MEGF11: variants seen among roughly 807,000 people sequenced by gnomAD.
MEGF11 encodes the protein multiple epidermal growth factor-like domains protein 11.
In MEGF11, 126 loss-of-function variants were observed where a neutral mutation model predicts 146.6. The observed-to-expected ratio is 0.86, with a 90% CI of 0.74 to 1.00. The LOEUF (loss-of-function observed/expected upper bound fraction) is 1.00, where lower values mean the gene tolerates loss of function less well. MEGF11 is among the 50% of genes least tolerant of loss of function. MEGF11 has a pLI of 0.00. For synonymous variants in MEGF11, 532 were observed against 583.4 expected (o/e 0.91, Z 1.27); for missense variants, 1,509 against 1,521.2 (o/e 0.99, Z 0.13).
chr15:66,231,877 C>G (rs2091974057), intron 1 of MEGF11, among the ~76,000 whole-genome samples: 1 of 152,260 alleles, frequency 6.6e-6, no homozygotes, highest in African/African-American at 2.4e-5. Context: ...CAAATAACAA[C>G]TAACCCTCAC....
At chr15:66,235,827 G>A (rs2092077870) in intron 1 of MEGF11, among the ~76,000 whole-genome samples, 1 of 152,164 alleles carries the variant, frequency 6.6e-6, no homozygotes, top group African/African-American at 2.4e-5. Context: ...GAGAGCCACA[G>A]GCAAGCATCA....
At chr15:66,244,923 G>A (rs1382203530) in intron 1 of MEGF11, among the ~76,000 whole-genome samples, 1 of 152,084 alleles carries the variant, frequency 6.6e-6, no homozygotes, top group African/African-American at 2.4e-5. Context: ...GGGTCCCAGG[G>A]GTCTTATATC....
chr15:65,930,388 A>G (rs1212767565), intron 11 of MEGF11, among the ~76,000 whole-genome samples: 1 of 152,024 alleles, frequency 6.6e-6, no homozygotes, highest in Admixed American at 6.5e-5. Context: ...GGAGAGCGGG[A>G]GCAGGAGAGA....
intron 7 of MEGF11, among the ~76,000 whole-genome samples, chr15:65,975,131 A>G (rs409309): frequency 0.82 from 124,565 of 152,082 alleles, 52,024 homozygotes; most frequent in Non-Finnish European, 0.91. Flanking sequence ...ACAGGCATGA[A>G]CCACTATGCC....
chr15:65,941,447 C>CA (rs201714757), intron 10 of MEGF11, among the ~76,000 whole-genome samples: 7,372 of 142,186 alleles, frequency 0.052, 183 homozygotes, highest in Admixed American at 0.069. Flanking sequence ...GACTCCATCT[C>CA]AAAAAAAAAA....
At chr15:66,106,387 C>T (rs949914004) in intron 4 of MEGF11, among the ~76,000 whole-genome samples, 4 of 152,132 alleles carry the variant, frequency 2.6e-5, no homozygotes, top group African/African-American at 9.7e-5. Flanking sequence ...GCATTTTACA[C>T]ACAGCAAAAC....
intron 1 of MEGF11, among the ~76,000 whole-genome samples, chr15:66,214,346 T>C (rs2091535119): frequency 1.3e-5 from 2 of 152,202 alleles, no homozygotes; most frequent in African/African-American, 4.8e-5. Flanking sequence ...AGGCCACTTC[T>C]GAGGACAAAA....
At chr15:66,161,833 C>A (rs567844606) in intron 1 of MEGF11, among the ~76,000 whole-genome samples, 1 of 152,158 alleles carries the variant, frequency 6.6e-6, no homozygotes, top group African/African-American at 2.4e-5. Flanking sequence ...AGTGCCCTCA[C>A]GGAGCAGCAA....
chr15:66,048,094 T>C lies in MEGF11; in HGVS notation c.394+46308A>G, dbSNP rs190966564. On this transcript the variant is annotated intron_variant, in intron 5 of 25. Coordinates refer to ENST00000395614, the MANE Select transcript of MEGF11 (RefSeq NM_001385028.1). The stretch of plus-strand genomic sequence containing the variant: ...CCTAGAAGCTGGGACTACAGGCATG[T>C]ACCACCACGCCCAGCTAATTTTTGT... Among the ~76,000 whole-genome samples the C allele has an allele frequency of 8.2e-4, 125 of 152,216 alleles. 1 individual carries two copies. Among genetic ancestry groups the C allele is most frequent in the Middle Eastern group, 3.4e-3 (1 of 294 alleles).
At chr15:65,927,392 C>T (rs890025947) in intron 13 of MEGF11, among the ~76,000 whole-genome samples, 5 of 152,158 alleles carry the variant, frequency 3.3e-5, no homozygotes, top group Non-Finnish European at 2.9e-5. Flanking sequence ...CAGTGTGTGG[C>T]AGGCAGTGGA....
chr15:66,030,802 C>T (rs1329799053), intron 5 of MEGF11, among the ~76,000 whole-genome samples: 2 of 152,200 alleles, frequency 1.3e-5, no homozygotes, highest in East Asian at 3.9e-4. Flanking sequence ...GAGGCCACGT[C>T]CCCCGTGCCA....
chr15:66,119,762 C>T (rs2087928951), intron 3 of MEGF11, among the ~76,000 whole-genome samples: 1 of 152,126 alleles, frequency 6.6e-6, no homozygotes, highest in Non-Finnish European at 1.5e-5. Flanking sequence ...GCATGCCATC[C>T]CTGGGAAGGC....
Position 66,031,875 on chromosome 15 carries a change from G to A in MEGF11, c.395-49387C>T, listed in dbSNP as rs185766045. Among the ~76,000 whole-genome samples the A allele has an allele frequency of 3.9e-5, 6 of 152,352 alleles. No individual in the cohort carries two copies. The South Asian group carries it at 8.3e-4, about 21-fold the overall frequency. Reference sequence around the variant, plus strand: ...GGTTCATTATCTTGGGAGTGGCTTCGTTATGAAAGTACTGGTCTGTAGCCT... The same window carrying A: ...GGTTCATTATCTTGGGAGTGGCTTCATTATGAAAGTACTGGTCTGTAGCCT... On this transcript the variant is annotated intron_variant, in intron 5 of 25. Transcript: ENST00000395614.
chr15:66,108,984 C>A (rs139557366), intron 4 of MEGF11, among the ~76,000 whole-genome samples: 2 of 152,290 alleles, frequency 1.3e-5, no homozygotes, highest in East Asian at 3.9e-4. Flanking sequence ...GTGCAGATGG[C>A]AGAGGCTTAA....
chr15:65,902,747 A>G (rs555088635), intron 24 of MEGF11, among the ~76,000 whole-genome samples: 1 of 152,298 alleles, frequency 6.6e-6, no homozygotes, highest in African/African-American at 2.4e-5. Flanking sequence ...TTGGTCCTGT[A>G]ATGCCCTGGC....
At chr15:66,143,768 G>C (rs1290282750) in intron 1 of MEGF11, among the ~76,000 whole-genome samples, 1 of 152,126 alleles carries the variant, frequency 6.6e-6, no homozygotes, top group East Asian at 1.9e-4. Context: ...AGGACTCAGG[G>C]GACTTTGGCA....
chr15:66,166,037 C>G (rs2090088093), intron 1 of MEGF11, among the ~76,000 whole-genome samples: 1 of 152,160 alleles, frequency 6.6e-6, no homozygotes, highest in Non-Finnish European at 1.5e-5. Flanking sequence ...TCATCCATCT[C>G]TGGGCTTTAA....
At chr15:66,142,481 C>T (rs1229338658) in intron 1 of MEGF11, among the ~76,000 whole-genome samples, 2 of 152,234 alleles carry the variant, frequency 1.3e-5, no homozygotes, top group Non-Finnish European at 2.9e-5. Flanking sequence ...GCCAATTTCA[C>T]CCACTGTGGA....
In MEGF11 at chr15:65,965,601, T is replaced by TTTCTTTC. The variant is rs869249487; in HGVS notation, c.900-482_900-481insGAAAGAA. Among the ~76,000 whole-genome samples, 436 of 46,408 alleles carry TTTCTTTC rather than the reference T, an allele frequency of 9.4e-3. 10 individuals are homozygous for TTTCTTTC. Among genetic ancestry groups the TTTCTTTC allele is most frequent in the African/African-American group, 0.016 (223 of 13,620 alleles). The allele number at this position is 46,408 out of a possible 152,430, so 30.4% of individuals were successfully genotyped here. A position where few individuals can be genotyped will look rare whatever the true frequency, so the allele number is the denominator to read the frequency against. Reference sequence around the variant, plus strand: ...CTTTCTTTCTTTCTTTCTTTCTTTCTTTTTTTTTTTTCTTTTTTTTTTTTT... The same window carrying TTTCTTTC: ...CTTTCTTTCTTTCTTTCTTTCTTTCTTTCTTTCTTTTTTTTTTTCTTTTTTTTTTTTT... On this transcript the variant is annotated intron_variant, in intron 8 of 25. Transcript: ENST00000395614.
Sources: gnomAD v4.1 joint callset for allele counts (sites outside exome capture counted in the v4.1 genomes callset) on GRCh38, gnomAD v4.1.1 for gene constraint, MANE v1.5 for transcripts, NCBI Gene and HGNC (gene_info 2026-07-23, HGNC 2026-07-21) for gene names.